Variants in PFDN2 observed in about 807,000 individuals in gnomAD.
The protein encoded by PFDN2 is prefoldin subunit 2.
In PFDN2, 7 loss-of-function variants were observed where a neutral mutation model predicts 18.3. The observed-to-expected ratio is 0.38, with a 90% CI of 0.22 to 0.72. The LOEUF (loss-of-function observed/expected upper bound fraction) is 0.72, where lower values mean the gene tolerates loss of function less well. Ranked by LOEUF, PFDN2 falls within the 30% of genes least tolerant of loss-of-function variation. The pLI is 0.47. For synonymous variants in PFDN2, 76 were observed against 75.0 expected, an observed-to-expected ratio of 1.01 and a Z score of -0.07; for missense variants, 181 against 199.1, an observed-to-expected ratio of 0.91 and a Z score of 0.55.
chr1:161,102,364 G>A lies in PFDN2; in HGVS notation c.87C>T (p.Gly29=). 5 of 1,613,950 alleles carry A rather than the reference G, an allele frequency of 3.1e-6. No homozygotes were observed. Among genetic ancestry groups the A allele is most frequent in the African/African-American group, 2.7e-5 (2 of 75,048 alleles). The change falls in exon 2 of 4, where the codon GGC becomes GGT. Residue 29 remains glycine, a synonymous_variant. Coordinates refer to ENST00000368010, the MANE Select transcript of PFDN2 (RefSeq NM_012394.4). ...GCTGTTCCTGCCGAAGGCGGTTGAA[G>A]CCAGCAATCACCTAACAAGGTGAGA... ...GAVSAEQVIA[G]FNRLRQEQRG...
intron 1 of PFDN2, among the ~76,000 whole-genome samples, chr1:161,114,421 T>C (rs1654866208): frequency 6.6e-6 from 1 of 152,208 alleles, no homozygotes; most frequent in South Asian, 2.1e-4. Flanking sequence ...ATCCCAAACA[T>C]GCCAGGCAGT....
At chr1:161,105,492 CT>C (rs1051908635) in intron 1 of PFDN2, among the ~76,000 whole-genome samples, 10 of 151,876 alleles carry the variant, frequency 6.6e-5, no homozygotes, top group African/African-American at 2.4e-4. Flanking sequence ...GAGTCTTGCT[CT>C]GTCGCCCAGG....
chr1:161,105,819 G>C (rs968648928), intron 1 of PFDN2, among the ~76,000 whole-genome samples: 1 of 151,872 alleles, frequency 6.6e-6, no homozygotes, highest in Non-Finnish European at 1.5e-5. Context: ...ATTTCCTCTT[G>C]TTCCATTTTA....
chr1:161,114,553 G>C (rs1345942271), intron 1 of PFDN2, among the ~76,000 whole-genome samples: 1 of 152,154 alleles, frequency 6.6e-6, no homozygotes, highest in Non-Finnish European at 1.5e-5. Context: ...TTCTCCTCTA[G>C]AAAACAAAAG....
At chr1:161,103,177 A>G (rs1054588717) in intron 1 of PFDN2, among the ~76,000 whole-genome samples, 1 of 152,086 alleles carries the variant, frequency 6.6e-6, no homozygotes, top group African/African-American at 2.4e-5. Context: ...TGACCTATGG[A>G]ATCTCTCTAC....
intron 1 of PFDN2, among the ~76,000 whole-genome samples, chr1:161,108,208 T>C (rs1571185731): frequency 1.4e-5 from 2 of 146,816 alleles, no homozygotes; most frequent in African/African-American, 5.0e-5. Context: ...ATCCCACCAC[T>C]TTGGGAGGCC....
intron 1 of PFDN2, among the ~76,000 whole-genome samples, chr1:161,111,210 A>G (rs1172257605): frequency 6.6e-6 from 1 of 152,112 alleles, no homozygotes; most frequent in Admixed American, 6.6e-5. Flanking sequence ...CTCCTGCCTC[A>G]GCCTCCCCAA....
At chr1:161,106,415 G>T (rs1042348992) in intron 1 of PFDN2, among the ~76,000 whole-genome samples, 1 of 152,142 alleles carries the variant, frequency 6.6e-6, no homozygotes, top group African/African-American at 2.4e-5. Flanking sequence ...TCTGGGGTCT[G>T]CCAGGTAATG....
intron 1 of PFDN2, among the ~76,000 whole-genome samples, chr1:161,108,057 G>A (rs866565252): frequency 1.1e-4 from 16 of 149,672 alleles, no homozygotes; most frequent in Middle Eastern, 3.4e-3. Flanking sequence ...AGACGTTGCA[G>A]TGAGCTGAGA....
chr1:161,109,214 C>T (rs1460761387), intron 1 of PFDN2, among the ~76,000 whole-genome samples: 1 of 152,186 alleles, frequency 6.6e-6, no homozygotes, highest in Non-Finnish European at 1.5e-5. Flanking sequence ...AATCTTCACC[C>T]TACGTTTGGT....
chr1:161,101,827 C>T (rs571816751), intron 3 of PFDN2, among the ~76,000 whole-genome samples: 9 of 152,314 alleles, frequency 5.9e-5, no homozygotes, highest in African/African-American at 1.9e-4. Context: ...GATCACAGCT[C>T]ACTGAAGCCT....
Position 161,104,728 on chromosome 1 carries a change from C to T in PFDN2, c.76-2353G>A, listed in dbSNP as rs567215631. Among the ~76,000 whole-genome samples the T allele has an allele frequency of 9.9e-5, 15 of 152,060 alleles. No homozygotes were observed. The South Asian group carries it at 2.5e-3, about 25-fold the overall frequency. ...ACAGGCATGAGCCAACATGCCTGGC[C>T]TGGCCCCTTAGCTCTAGTTCGCCTT... On this transcript the variant is annotated intron_variant, in intron 1 of 3. Coordinates refer to ENST00000368010, the MANE Select transcript of PFDN2 (RefSeq NM_012394.4).
At chr1:161,110,843 C>CTTTT (rs200704754) in intron 1 of PFDN2, among the ~76,000 whole-genome samples, 5 of 118,240 alleles carry the variant, frequency 4.2e-5, no homozygotes, top group African/African-American at 9.6e-5. Context: ...TTTGTAGAGA[C>CTTTT]TTTTTTTTTT....
At chr1:161,113,443 T>C (rs577160472) in intron 1 of PFDN2, among the ~76,000 whole-genome samples, 2 of 152,326 alleles carry the variant, frequency 1.3e-5, no homozygotes, top group Non-Finnish European at 2.9e-5. Context: ...CACCTATAAA[T>C]GGAGGACAAC....
Position 161,118,035 on chromosome 1 carries a change from C to A in PFDN2, c.-9G>T. On this transcript the variant is annotated 5_prime_UTR_variant, in exon 1 of 4. Transcript: ENST00000368010. ...CCGCTGTTCTCCGCCATCTTCGCCG[C>A]CTGCTGGGTTTCCGGCCGGCGCAGC... The A allele has an allele frequency of 6.2e-7, 1 of 1,610,980 alleles. No homozygotes were observed. The highest frequency in any genetic ancestry group is 8.5e-7 in the Non-Finnish European group (1 of 1,178,922).
At chr1:161,117,351 G>T (rs779545654) in intron 1 of PFDN2, among the ~76,000 whole-genome samples, 1 of 152,180 alleles carries the variant, frequency 6.6e-6, no homozygotes, top group Non-Finnish European at 1.5e-5. Context: ...GCCACAAAGG[G>T]TTTTCTAATT....
chr1:161,107,911 C>T lies in PFDN2; in HGVS notation c.76-5536G>A, dbSNP rs1229153647. Among the ~76,000 whole-genome samples the T allele has an allele frequency of 4.6e-5, 7 of 151,164 alleles. No homozygotes were observed. The South Asian group carries it at 8.4e-4, about 18-fold the overall frequency. On this transcript the variant is annotated intron_variant, in intron 1 of 3. Transcript: ENST00000368010. ...GGCGGATCACCTGAGGTCAGGAGTT[C>T]GAGACCAGCCTGGCCAACATGGTGA...
Position 161,107,424 on chromosome 1 carries a change from CAAA to C in PFDN2, c.76-5052_76-5050del, listed in dbSNP as rs34132641. Among the ~76,000 whole-genome samples the C allele has an allele frequency of 2.4e-3, 165 of 68,320 alleles. 1 individual carries two copies. The highest frequency in any genetic ancestry group is 3.8e-3 in the Non-Finnish European group (138 of 36,626). The allele number at this position is 68,320 out of a possible 152,430, so 44.8% of individuals were successfully genotyped here. Reference sequence around the variant, plus strand: ...TGGCTGACAGAGCGAGACTCTGTCTCAAAAAAAAAAAAAAAAAAAAAAGCTTAA... The same window carrying C: ...TGGCTGACAGAGCGAGACTCTGTCTCAAAAAAAAAAAAAAAAAAAGCTTAA... On this transcript the variant is annotated intron_variant, in intron 1 of 3. Coordinates refer to ENST00000368010, the MANE Select transcript of PFDN2 (RefSeq NM_012394.4).
intron 1 of PFDN2, among the ~76,000 whole-genome samples, chr1:161,115,985 G>T (rs1289473754): frequency 6.6e-6 from 1 of 152,196 alleles, no homozygotes; most frequent in African/African-American, 2.4e-5. Context: ...CACTTTGGGA[G>T]ACCAAGGCAG....
Sources: allele counts gnomAD v4.1 joint callset (sites outside exome capture counted in the v4.1 genomes callset), GRCh38; gene constraint gnomAD v4.1.1; transcripts MANE v1.5; gene names NCBI Gene and HGNC (gene_info 2026-07-23, HGNC 2026-07-21).